ZNF254: variants seen among roughly 807,000 people sequenced by gnomAD.
The protein encoded by ZNF254 is CTD-2017D11.1.
Under a neutral mutation model 12.4 loss-of-function variants are expected in ZNF254, and 10 were observed. The observed-to-expected ratio is 0.80, with a 90% CI of 0.50 to 1.36. The LOEUF (loss-of-function observed/expected upper bound fraction) is 1.36, where lower values mean the gene tolerates loss of function less well. ZNF254 is among the 40% of genes most tolerant of loss of function. The probability of loss-of-function intolerance (pLI) is 0.00; values close to 1 mark genes in which losing one functional copy is unlikely to be tolerated. For missense variants in ZNF254, 996 were observed against 763.9 expected (o/e 1.30, Z -3.58); for synonymous variants, 305 against 253.4 (o/e 1.20, Z -1.93).
At chr19:24,054,071 C>A (rs1970749994) in intron 2 of ZNF254, among the ~76,000 whole-genome samples, 1 of 151,640 alleles carries the variant, frequency 6.6e-6, no homozygotes, top group Admixed American at 6.6e-5. Flanking sequence ...TCCCTGGAAC[C>A]AGACACCAGG....
intron 1 of ZNF254, among the ~76,000 whole-genome samples, chr19:24,088,484 C>T (rs1972165848): frequency 6.6e-6 from 1 of 151,950 alleles, no homozygotes; most frequent in Non-Finnish European, 1.5e-5. Context: ...GCCTCAAGTC[C>T]ACCCCTCATC....
At chr19:24,065,921 T>C (rs1971253769) in intron 2 of ZNF254, 1 of 152,206 alleles carries the variant, frequency 6.6e-6, no homozygotes, top group Non-Finnish European at 1.5e-5. Context: ...ATGCCCATCA[T>C]CATGGTAATG....
At chr19:24,097,824 AAATAT>A (rs1002908049) in intron 1 of ZNF254, among the ~76,000 whole-genome samples, 1 of 145,572 alleles carries the variant, frequency 6.9e-6, no homozygotes, top group Non-Finnish European at 1.5e-5. Context: ...AAATAAAATA[AAATAT>A]ACAAGCAAAC....
At chr19:24,099,809 A>C (rs1026235824) in intron 1 of ZNF254, among the ~76,000 whole-genome samples, 16 of 152,162 alleles carry the variant, frequency 1.1e-4, no homozygotes, top group African/African-American at 3.9e-4. Flanking sequence ...TACATGTGAT[A>C]TTCAGATTTA....
rs566252711 is a variant in ZNF254 at position 24,107,463 on chromosome 19, G to T, written c.253+820G>T. The stretch of plus-strand genomic sequence containing the variant: ...AGTATTTCATTGATATTGTACATAA[G>T]TTTTTTTTTCCTCTATTTTATCAGA... On this transcript the variant is annotated intron_variant, in intron 3 of 3. Coordinates refer to ENST00000357002, the MANE Select transcript of ZNF254 (RefSeq NM_203282.4). 5 of 341,202 alleles carry T rather than the reference G, an allele frequency of 1.5e-5. No homozygotes were observed. The South Asian group carries it at 5.2e-4, about 36-fold the overall frequency. The allele number at this position is 341,202 out of a possible 1,614,324, so 21.1% of individuals were successfully genotyped here.
chr19:24,120,669 G>A (rs1246479976), intron 3 of ZNF254, among the ~76,000 whole-genome samples: 1 of 151,662 alleles, frequency 6.6e-6, no homozygotes, highest in East Asian at 1.9e-4. Flanking sequence ...TGTTGTTGTT[G>A]TTGTTGTTGT....
At position 24,054,984 on chromosome 19, in the gene ZNF254, C is replaced by T. The variant is rs574085737; in HGVS notation, c.-94+8705C>T. On this transcript the variant is annotated intron_variant, in intron 2 of 4. Transcript: ENST00000613065. ...CTTTGGGAGGCCGAGGTGGGTGAAA[C>T]GAGGTCAGGAGTTCAAGACCAGCCT... Among the ~76,000 whole-genome samples, 5 of 151,792 alleles carry T rather than the reference C, an allele frequency of 3.3e-5. No individual in the cohort carries two copies. The South Asian group carries it at 1.0e-3, about 32-fold the overall frequency.
At chr19:24,055,266 ATTTTCTCTTTTTCT>A (rs1024291272) in intron 2 of ZNF254, among the ~76,000 whole-genome samples, 7 of 135,330 alleles carry the variant, frequency 5.2e-5, no homozygotes, top group South Asian at 2.6e-4. Context: ...CACAGAGGAG[ATTTTCTCTTTTTCT>A]TTTTCTTTTT....
At chr19:24,042,571 A>T (rs187935073) in intron 1 of ZNF254, among the ~76,000 whole-genome samples, 10 of 152,254 alleles carry the variant, frequency 6.6e-5, no homozygotes, top group African/African-American at 9.6e-5. Flanking sequence ...AGAAACTCCG[A>T]ACACATCTGA....
chr19:24,105,605 A>G (rs1445052523), intron 1 of ZNF254: 2 of 240,138 alleles, frequency 8.3e-6, no homozygotes, highest in African/African-American at 2.4e-5. Context: ...ATAAACAACT[A>G]TGTCTTTTTC....
intron 2 of ZNF254, among the ~76,000 whole-genome samples, chr19:24,058,606 C>G (rs892179875): frequency 3.9e-5 from 6 of 152,012 alleles, no homozygotes; most frequent in African/African-American, 1.5e-4. Context: ...CAGGGTTTCT[C>G]CATGTTGGTC....
At chr19:24,041,956 A>G (rs1481925152) in intron 1 of ZNF254, among the ~76,000 whole-genome samples, 26 of 151,828 alleles carry the variant, frequency 1.7e-4, no homozygotes, top group African/African-American at 4.4e-4. Flanking sequence ...AAATACACCA[A>G]TCAGCACCCT....
rs1975089687 is a variant in ZNF254, at chr19:24,129,251, G to A, written c.*1271G>A. 6.6e-6 allele frequency: 1 copy of A among 151,838 alleles called. No homozygotes were observed. Among genetic ancestry groups the A allele is most frequent in the South Asian group, 2.1e-4 (1 of 4,816 alleles). The allele number at this position is 151,838 out of a possible 1,614,324, so 9.4% of individuals were successfully genotyped here. ...TTAGTCATATGTTATTTTATTAATT[G>A]TACTTCTATGAAATAATATGCAGTC... On this transcript the variant is annotated 3_prime_UTR_variant, in exon 4 of 4. Transcript: ENST00000357002.
chr19:24,104,824 TTTA>T, intron 1 of ZNF254: 1 of 152,318 alleles, frequency 6.6e-6, no homozygotes, highest in South Asian at 2.1e-4. Flanking sequence ...ATCTGTGTTC[TTTA>T]TTATCTGTAT....
At chr19:24,114,159 G>C (rs1053151266) in intron 3 of ZNF254, among the ~76,000 whole-genome samples, 137 of 152,186 alleles carry the variant, frequency 9.0e-4, no homozygotes, top group Middle Eastern at 3.4e-3. Flanking sequence ...ATTTTCTTCA[G>C]AGAATTGGAA....
rs187263837 is a variant in ZNF254, at chr19:24,056,831, C to T, written c.-94+10552C>T. Among the ~76,000 whole-genome samples, 298 of 152,288 alleles carry T rather than the reference C, an allele frequency of 2.0e-3. 1 individual carries two copies. Among genetic ancestry groups the T allele is most frequent in the South Asian group, 8.3e-3 (40 of 4,824 alleles). ...GGTTTCAGGAGGAAATTTAACATAT[C>T]CCTGACTGAGCACCCAGGTTTTAAT... On this transcript the variant is annotated intron_variant, in intron 2 of 4. Transcript: ENST00000613065.
upstream of ZNF254, among the ~76,000 whole-genome samples, chr19:24,086,398 C>T (rs1288592390): frequency 1.3e-5 from 2 of 151,930 alleles, no homozygotes; most frequent in African/African-American, 4.8e-5. Context: ...CTCAGCCCCC[C>T]GGGTTCAAGG....
chr19:24,054,644 T>TCAAATG (rs1274497582), intron 2 of ZNF254, among the ~76,000 whole-genome samples: 9 of 152,114 alleles, frequency 5.9e-5, no homozygotes, highest in African/African-American at 2.2e-4. Flanking sequence ...GTCTTGAATC[T>TCAAATG]CAAATGCAAA....
Position 24,127,905 on chromosome 19 carries a change from T to C in ZNF254, c.1905T>C (p.Phe635=). The change falls in exon 4 of 4, where the codon TTT becomes TTC. Residue 635 remains phenylalanine (F), a synonymous_variant. Transcript: ENST00000357002. ...AGCAACCCTACAAATGGGAAAAATT[T>C]GGCAAAGCCTTTAATCGGTCCTCGC... ...TGEQPYKWEK[F]GKAFNRSSHL... 1 of 1,611,982 alleles carries C rather than the reference T, an allele frequency of 6.2e-7. No homozygotes were observed. The highest frequency in any genetic ancestry group is 1.3e-5 in the African/African-American group (1 of 74,934).
Sources: gnomAD v4.1 joint callset for allele counts (sites outside exome capture counted in the v4.1 genomes callset) on GRCh38, gnomAD v4.1.1 for gene constraint, MANE v1.5 for transcripts, NCBI Gene and HGNC (gene_info 2026-07-23, HGNC 2026-07-21) for gene names.